Variants in SPATA6L observed in about 807,000 individuals in gnomAD.
SPATA6L encodes spermatogenesis associated 6 like.
SPATA6L carries 68 observed loss-of-function variants against 49.2 expected under a neutral mutation model. That is an observed-to-expected ratio of 1.38 (90% CI 1.14 to 1.69). SPATA6L has a LOEUF of 1.69. SPATA6L is among the 40% of genes most tolerant of loss of function. The probability of loss-of-function intolerance (pLI) is 0.00; values close to 1 mark genes in which losing one functional copy is unlikely to be tolerated. For missense variants in SPATA6L, 668 were observed against 464.3 expected (o/e 1.44, Z -4.03); for synonymous variants, 198 against 165.7 (o/e 1.19, Z -1.50).
At chr9:4,633,437 A>C (rs753629399) in intron 4 of SPATA6L, 59 of 155,140 alleles carry the variant, frequency 3.8e-4, no homozygotes, top group Non-Finnish European at 5.5e-4. Context: ...TGGGGCCCAA[A>C]AGACCTAGCA....
intron 9 of SPATA6L, among the ~76,000 whole-genome samples, chr9:4,614,488 C>G (rs1226033450): frequency 2.0e-5 from 3 of 152,200 alleles, no homozygotes; most frequent in Non-Finnish European, 4.4e-5. Flanking sequence ...AGACACAGTG[C>G]TGACAACCCC....
At chr9:4,652,708 G>C (rs1164874426) in intron 3 of SPATA6L, among the ~76,000 whole-genome samples, 1 of 151,884 alleles carries the variant, frequency 6.6e-6, no homozygotes, top group Non-Finnish European at 1.5e-5. Flanking sequence ...AGGCGTGGTG[G>C]TGCATGCCTG....
chr9:4,615,572 A>G (rs1276464549), intron 9 of SPATA6L, among the ~76,000 whole-genome samples: 5 of 152,206 alleles, frequency 3.3e-5, no homozygotes, highest in African/African-American at 9.6e-5. Flanking sequence ...ATATTTAAAG[A>G]GAAAAGAGGA....
intron 9 of SPATA6L, among the ~76,000 whole-genome samples, chr9:4,606,010 G>T (rs1297974170): frequency 6.6e-6 from 1 of 152,084 alleles, no homozygotes; most frequent in African/African-American, 2.4e-5. Context: ...AAGCGCAAGG[G>T]GTCAGGCAGT....
rs1007751177 is a variant in SPATA6L, at chr9:4,618,803, C to T, written c.807+61G>A. ...TATCCACCACTGATTGGAAAAAGCA[C>T]AATAATTGACATAAGATATCTGGAA... On this transcript the variant is annotated intron_variant, in intron 8 of 11. Coordinates refer to ENST00000682582, the MANE Select transcript of SPATA6L (RefSeq NM_001353486.2). The T allele has an allele frequency of 1.1e-5, 17 of 1,486,944 alleles. No homozygotes were observed. The South Asian group carries it at 1.9e-4, about 16-fold the overall frequency. 92.1% of individuals were successfully genotyped at this position (1,486,944 alleles called of 1,614,324 possible). A position where few individuals can be genotyped will look rare whatever the true frequency, so the allele number is the denominator to read the frequency against.
intron 11 of SPATA6L, among the ~76,000 whole-genome samples, chr9:4,601,997 C>A (rs1564103175): frequency 6.6e-6 from 1 of 152,300 alleles, no homozygotes; most frequent in African/African-American, 2.4e-5. Flanking sequence ...GGATCCCAGC[C>A]TCTCCAGGAA....
chr9:4,611,714 G>T (rs1415328000), intron 9 of SPATA6L, among the ~76,000 whole-genome samples: 1 of 150,804 alleles, frequency 6.6e-6, no homozygotes, highest in Non-Finnish European at 1.5e-5. Context: ...CGAGTTAGTG[G>T]GTGCAGCGCA....
chr9:4,627,258 A>C (rs1830524017), intron 5 of SPATA6L: 1 of 154,248 alleles, frequency 6.5e-6, no homozygotes, highest in South Asian at 2.0e-4. Context: ...GAAGAGAAAG[A>C]AACACTGAAA....
chr9:4,646,537 G>A (rs575840042), intron 3 of SPATA6L: 2 of 1,485,174 alleles, frequency 1.3e-6, no homozygotes. Flanking sequence ...GCCTAAAAAG[G>A]AAAAAATGAG....
chr9:4,605,553 C>G, intron 9 of SPATA6L, 113 bp from the exon 10 acceptor site: 1 of 684,512 alleles, frequency 1.5e-6, no homozygotes. Context: ...AAAACAGCAG[C>G]ATGCAAAATG....
intron 3 of SPATA6L, among the ~76,000 whole-genome samples, chr9:4,639,294 TC>T (rs1833530249): frequency 6.6e-6 from 1 of 152,208 alleles, no homozygotes; most frequent in African/African-American, 2.4e-5. Context: ...CTTTCCTTTT[TC>T]CTCTTTCCTT....
chr9:4,654,811 C>T (rs1373979476), intron 3 of SPATA6L, among the ~76,000 whole-genome samples: 2 of 152,116 alleles, frequency 1.3e-5, no homozygotes, highest in Non-Finnish European at 2.9e-5. Context: ...CCGTCTGTTA[C>T]AGGCACAGGA....
Position 4,656,127 on chromosome 9 carries a change from G to C in SPATA6L, c.178-38C>G, listed in dbSNP as rs1170311011. 2.6e-6 allele frequency: 4 copies of C among 1,557,908 alleles called. No individual in the cohort carries two copies. The African/African-American group carries it at 5.5e-5, about 21-fold the overall frequency. On this transcript the variant is annotated intron_variant, in intron 2 of 11. Coordinates refer to ENST00000682582, the MANE Select transcript of SPATA6L (RefSeq NM_001353486.2). ...ATGGGGAAAATAAATTTTCAAAGTT[G>C]TATTAATAAGCGCATATAGAAACTG...
intron 3 of SPATA6L, among the ~76,000 whole-genome samples, chr9:4,652,092 T>G (rs994891288): frequency 2.0e-5 from 3 of 152,184 alleles, no homozygotes; most frequent in Non-Finnish European, 2.9e-5. Flanking sequence ...ATAAACAAGT[T>G]CAGTATGTTT....
chr9:4,662,230 A>G lies in SPATA6L; in HGVS notation c.40-194T>C, dbSNP rs1228418924. ...ACATTGGAAATTCCAACTCCCTCCC[A>G]CGTCTCCACCAGGTGTCACAATCGC... On this transcript the variant is annotated intron_variant, in intron 1 of 11. Transcript: ENST00000682582. This position sits in a 1 kb window ranked among gnomAD's most constrained non-coding sequence, Gnocchi z 4.9. The G allele has an allele frequency of 1.4e-6, 2 of 1,431,774 alleles. No homozygotes were observed. The highest frequency in any genetic ancestry group is 9.1e-7 in the Non-Finnish European group (1 of 1,098,172). The allele number at this position is 1,431,774 out of a possible 1,614,324, so 88.7% of individuals were successfully genotyped here.
rs1824096043 is a variant in SPATA6L at position 4,604,143 on chromosome 9, G to C, written c.*1+36C>G. On this transcript the variant is annotated intron_variant, in intron 11 of 11. Coordinates refer to ENST00000682582, the MANE Select transcript of SPATA6L (RefSeq NM_001353486.2). ...TTCTTTTAGCAAACCAAGATAAGGA[G>C]AAGCACTTAAGCTGCTTACTTACAT... 2.9e-6 allele frequency: 4 copies of C among 1,379,226 alleles called. No individual in the cohort carries two copies. The African/African-American group carries it at 4.4e-5, about 15-fold the overall frequency. The allele number at this position is 1,379,226 out of a possible 1,614,324, so 85.4% of individuals were successfully genotyped here. A position where few individuals can be genotyped will look rare whatever the true frequency, so the allele number is the denominator to read the frequency against.
intron 3 of SPATA6L, among the ~76,000 whole-genome samples, chr9:4,650,370 G>C (rs974136597): frequency 5.9e-5 from 9 of 152,208 alleles, no homozygotes; most frequent in Middle Eastern, 3.4e-3. Flanking sequence ...GTAAATAAAA[G>C]TCATACCATC....
chr9:4,645,475 T>C (rs1835168648), intron 3 of SPATA6L, among the ~76,000 whole-genome samples: 1 of 152,130 alleles, frequency 6.6e-6, no homozygotes, highest in African/African-American at 2.4e-5. Flanking sequence ...AGTAGCCAGG[T>C]GACACAGGGA....
At chr9:4,606,396 C>T (rs1323472468) in intron 9 of SPATA6L, among the ~76,000 whole-genome samples, 1 of 109,344 alleles carries the variant, frequency 9.1e-6, no homozygotes, top group Non-Finnish European at 1.8e-5. Context: ...TTAAATGTCC[C>T]TGTCTGACAG....
Sources: allele counts gnomAD v4.1 joint callset (sites outside exome capture counted in the v4.1 genomes callset), GRCh38; gene constraint gnomAD v4.1.1; non-coding constraint Gnocchi (gnomAD v3.1); transcripts MANE v1.5; gene names NCBI Gene and HGNC (gene_info 2026-07-23, HGNC 2026-07-21).